The following LGSN variants were observed in gnomAD, a reference collection of about 807,000 sequenced individuals.
The protein encoded by LGSN is lengsin.
LGSN carries 21 observed loss-of-function variants against 19.5 expected under a neutral mutation model. The observed-to-expected ratio is 1.07, with a 90% CI of 0.76 to 1.55. The LOEUF is 1.55. Among genes scored for constraint, LGSN ranks in the 40% most tolerant of loss-of-function variants. The pLI is 0.00. For synonymous variants in LGSN, 257 were observed against 215.6 expected (o/e 1.19, Z -1.68); for missense variants, 673 against 608.5 (o/e 1.11, Z -1.12).
the LGSN span, among the ~76,000 whole-genome samples, chr6:63,411,427 C>T: frequency 6.6e-6 from 1 of 152,180 alleles, no homozygotes; most frequent in East Asian, 1.9e-4. Flanking sequence ...TCCTCCATTA[C>T]TGAATTTTAA....
chr6:63,438,829 T>G, the LGSN span, among the ~76,000 whole-genome samples: 18 of 152,312 alleles, frequency 1.2e-4, no homozygotes, highest in East Asian at 2.7e-3. Flanking sequence ...AGAAATACCA[T>G]TTGACCTAGC....
the LGSN span, among the ~76,000 whole-genome samples, chr6:63,414,417 G>A: frequency 6.6e-6 from 1 of 151,982 alleles, no homozygotes; most frequent in African/African-American, 2.4e-5. Context: ...ATATAATATT[G>A]TAGTCTTCAA....
intron 2 of LGSN, chr6:63,293,962 G>A (rs771536901): frequency 4.3e-5 from 15 of 351,106 alleles, no homozygotes; most frequent in Non-Finnish European, 8.4e-5. Context: ...TTCTAGCAGT[G>A]ACATATTAAA....
the LGSN span, among the ~76,000 whole-genome samples, chr6:63,504,564 TC>T: frequency 6.6e-6 from 1 of 152,172 alleles, no homozygotes; most frequent in South Asian, 2.1e-4. Context: ...TGCCTCAGCC[TC>T]CCGAGTAGCT....
chr6:63,420,202 CA>C, the LGSN span, among the ~76,000 whole-genome samples: 805 of 106,420 alleles, frequency 7.6e-3, 3 homozygotes, highest in Admixed American at 0.014. Context: ...GACTGCGTCT[CA>C]AAAAAAAAAA....
At chr6:63,432,359 T>C in the LGSN span, among the ~76,000 whole-genome samples, 1 of 152,108 alleles carries the variant, frequency 6.6e-6, no homozygotes, top group Non-Finnish European at 1.5e-5. Context: ...GTAACTGACA[T>C]TTATATAGAT....
At chr6:63,385,560 A>T in the LGSN span, among the ~76,000 whole-genome samples, 1 of 152,102 alleles carries the variant, frequency 6.6e-6, no homozygotes, top group East Asian at 1.9e-4. Context: ...CTCCTTTATT[A>T]CTCATCAGTT....
the LGSN span, among the ~76,000 whole-genome samples, chr6:63,363,617 G>C: frequency 6.6e-6 from 1 of 152,104 alleles, no homozygotes; most frequent in Admixed American, 6.6e-5. Context: ...AAGATCAAAT[G>C]AATGAAATGA....
At chr6:63,567,206 A>G in the LGSN span, among the ~76,000 whole-genome samples, 6 of 152,224 alleles carry the variant, frequency 3.9e-5, no homozygotes, top group Non-Finnish European at 8.8e-5. Context: ...GAATGTTCTT[A>G]ATGGCATCTA....
the LGSN span, among the ~76,000 whole-genome samples, chr6:63,329,534 T>A: frequency 6.6e-6 from 1 of 152,210 alleles, no homozygotes; most frequent in Middle Eastern, 3.2e-3. Flanking sequence ...AGCCTTCAAA[T>A]GTTTAACAAT....
the LGSN span, among the ~76,000 whole-genome samples, chr6:63,339,940 C>T: frequency 6.6e-6 from 1 of 152,010 alleles, no homozygotes; most frequent in Non-Finnish European, 1.5e-5. Context: ...TTTTGTAGAT[C>T]CCCTCTAACA....
At chr6:63,345,317 C>T in the LGSN span, among the ~76,000 whole-genome samples, 2 of 152,106 alleles carry the variant, frequency 1.3e-5, no homozygotes, top group South Asian at 2.1e-4. Context: ...ATTTTAAATG[C>T]GTATTCAATA....
At chr6:63,538,230 T>C in the LGSN span, among the ~76,000 whole-genome samples, 1 of 152,156 alleles carries the variant, frequency 6.6e-6, no homozygotes, top group Non-Finnish European at 1.5e-5. Flanking sequence ...GTTTCCCAAG[T>C]TCTGGTTGGA....
At chr6:63,533,816 T>C in the LGSN span, among the ~76,000 whole-genome samples, 2 of 148,740 alleles carry the variant, frequency 1.3e-5, no homozygotes, top group Non-Finnish European at 3.0e-5. Context: ...ATATAGCAAA[T>C]TCCTGAACAA....
At chr6:63,431,158 T>C in the LGSN span, among the ~76,000 whole-genome samples, 1 of 152,126 alleles carries the variant, frequency 6.6e-6, no homozygotes, top group Non-Finnish European at 1.5e-5. Flanking sequence ...TCATCCCCAT[T>C]TTACAGATTC....
the LGSN span, among the ~76,000 whole-genome samples, chr6:63,351,381 G>T: frequency 7.4e-4 from 113 of 152,124 alleles, 1 homozygote; most frequent in Non-Finnish European, 1.4e-3. Context: ...CTCTGTGTGT[G>T]TGTGTGTATG....
chr6:63,573,212 G>C, the LGSN span: 1 of 153,140 alleles, frequency 6.5e-6, no homozygotes, highest in South Asian at 2.1e-4. Context: ...GACGTGGCCC[G>C]GGGTGGGGCG....
the LGSN span, among the ~76,000 whole-genome samples, chr6:63,499,107 C>T: frequency 1.3e-5 from 2 of 152,022 alleles, no homozygotes; most frequent in African/African-American, 4.8e-5. Flanking sequence ...TGATTTTTAC[C>T]AATTCCAAAG....
At chr6:63,446,887 TA>T in the LGSN span, among the ~76,000 whole-genome samples, 13 of 152,224 alleles carry the variant, frequency 8.5e-5, no homozygotes, top group South Asian at 2.1e-4. Flanking sequence ...CTGTCTCTAC[TA>T]AAAATACAAA....
Sources: gnomAD v4.1 joint callset for allele counts (sites outside exome capture counted in the v4.1 genomes callset) on GRCh38, gnomAD v4.1.1 for gene constraint, MANE v1.5 for transcripts, NCBI Gene and HGNC (gene_info 2026-07-23, HGNC 2026-07-21) for gene names.